The following OCSTAMP variants were observed in gnomAD, a reference collection of about 807,000 sequenced individuals.
The protein encoded by OCSTAMP is transmembrane protein C20orf123.
Under a neutral mutation model 25.2 loss-of-function variants are expected in OCSTAMP, and 17 were observed. That is an observed-to-expected ratio of 0.68 (90% CI 0.46 to 1.01). OCSTAMP has a LOEUF of 1.01. OCSTAMP is among the 50% of genes least tolerant of loss of function. The pLI, the probability that OCSTAMP is intolerant of heterozygous loss-of-function variation, is 0.00. For synonymous variants in OCSTAMP, 345 were observed against 318.9 expected (o/e 1.08, Z -0.87); for missense variants, 664 against 694.6 (o/e 0.96, Z 0.50).
chr20:46,541,972 G>A, intron 2 of OCSTAMP, 45 bp from the exon 3 acceptor site: 5 of 1,404,592 alleles, frequency 3.6e-6, no homozygotes, highest in Non-Finnish European at 4.6e-6. Context: ...GGCCTCTCTG[G>A]CCACTCCCCA....
intron 2 of OCSTAMP, among the ~76,000 whole-genome samples, chr20:46,544,749 T>C (rs2061845667): frequency 6.6e-6 from 1 of 152,222 alleles, no homozygotes; most frequent in African/African-American, 2.4e-5. Context: ...AGACAATATA[T>C]TGACAAATGG....
chr20:46,544,201 T>A (rs952272382), intron 2 of OCSTAMP, among the ~76,000 whole-genome samples: 4 of 152,176 alleles, frequency 2.6e-5, no homozygotes, highest in African/African-American at 9.7e-5. Flanking sequence ...CATTCTGGCA[T>A]GGGCAACAGA....
Position 46,545,442 on chromosome 20 carries a change from A to G in OCSTAMP, c.932T>C (p.Val311Ala). The change falls in exon 2 of 3, where the codon GTG becomes GCG. Residue 311 changes from valine (V) to alanine (A), a missense_variant. Physicochemically the swap from Val to Ala is moderately conservative, Grantham distance 64. Transcript: ENST00000279028. ...TGTGGCCACCGCCACAGCCGTGGCC[A>G]CGAGGAGCAGGGCAAGCAGCCCCAG... ...LRLGLLALLL[V>A]ATAVAVATDH... 3.9e-6 allele frequency: 6 copies of G among 1,551,186 alleles called. No individual in the cohort carries two copies. The highest frequency in any genetic ancestry group is 5.2e-6 in the Non-Finnish European group (6 of 1,146,784).
At position 46,541,110 on chromosome 20, in the gene OCSTAMP, T is replaced by A. The variant is rs1307794148; in HGVS notation, c.*164A>T. ...TGAGTTTAGAGGATTTTGAGGCATATAAATAAGTTCCAGGAGCATTTCGAG... is the reference window on the plus strand; with the variant it reads ...TGAGTTTAGAGGATTTTGAGGCATAAAAATAAGTTCCAGGAGCATTTCGAG... On this transcript the variant is annotated 3_prime_UTR_variant, in exon 3 of 3. Coordinates refer to ENST00000279028, the MANE Select transcript of OCSTAMP (RefSeq NM_080721.3). 5 of 595,622 alleles carry A rather than the reference T, an allele frequency of 8.4e-6. No homozygotes were observed. In the East Asian group the frequency reaches 1.4e-4, roughly 16 times the overall value. The allele number at this position is 595,622 out of a possible 1,614,324, so 36.9% of individuals were successfully genotyped here. A position where few individuals can be genotyped will look rare whatever the true frequency, so the allele number is the denominator to read the frequency against.
chr20:46,541,409 AC>A lies in OCSTAMP; in HGVS notation c.1565del (p.Gly522ValfsTer24). 8.0e-7 allele frequency: 1 copy of A among 1,248,230 alleles called. No individual in the cohort carries two copies. The highest frequency in any genetic ancestry group is 1.3e-5 in the South Asian group (1 of 78,034). The allele number at this position is 1,248,230 out of a possible 1,614,324, so 77.3% of individuals were successfully genotyped here. On this transcript the variant is annotated frameshift_variant, in exon 3 of 3. Coordinates refer to ENST00000279028, the MANE Select transcript of OCSTAMP (RefSeq NM_080721.3). LOFTEE classifies it low-confidence loss of function (END_TRUNC). ...GAGGCTCAGAGAGGTGAAGTGACTTACCCAAGGTCACACAGGGAGGCGGCAC... is the reference window on the plus strand; with the variant it reads ...GAGGCTCAGAGAGGTGAAGTGACTTACCAAGGTCACACAGGGAGGCGGCAC... ...GPVPPPCVTL[G>X]KSLHLSEPRF...
chr20:46,541,005 A>C lies in OCSTAMP; in HGVS notation c.*269T>G. ...CTGGCAATGGAAAGGCCCTGAAGGA[A>C]TTTGAGGCAGAGGAATAACGTAATC... On this transcript the variant is annotated 3_prime_UTR_variant, in exon 3 of 3. Transcript: ENST00000279028. 5.4e-6 allele frequency: 2 copies of C among 371,064 alleles called. No homozygotes were observed. The highest frequency in any genetic ancestry group is 9.8e-6 in the Non-Finnish European group (2 of 204,798). 23.0% of individuals were successfully genotyped at this position (371,064 alleles called of 1,614,324 possible).
intron 1 of OCSTAMP, among the ~76,000 whole-genome samples, chr20:46,547,997 G>A (rs553539159): frequency 3.4e-4 from 52 of 152,284 alleles, no homozygotes; most frequent in East Asian, 3.9e-4. Context: ...AGCAGGGGTC[G>A]TTCATCCTTA....
intron 1 of OCSTAMP, among the ~76,000 whole-genome samples, chr20:46,549,806 C>CTGTG (rs767000638): frequency 1.4e-5 from 2 of 142,366 alleles, no homozygotes; most frequent in Admixed American, 7.0e-5. Flanking sequence ...TTGTGGCCCA[C>CTGTG]TCTGTGTGTG....
chr20:46,541,666 G>C lies in OCSTAMP; in HGVS notation c.1309C>G (p.Gln437Glu). Residue 437 changes from glutamine (Q) to glutamate (E), a missense_variant, in exon 3 of 3, where the codon CAG becomes GAG. By Grantham distance (29) the Gln-to-Glu change is conservative (BLOSUM62 2). Transcript: ENST00000279028. ...AGGTGGCGGACCCTCCTCGCCTCCT[G>C]GGCTGTGAAGAAGGAAGCGGCGATG... Reference protein sequence around the residue: ...HAIAASFFTAQEARRVRHLHA... With the variant: ...HAIAASFFTAEEARRVRHLHA... 1 of 1,550,770 alleles carries C rather than the reference G, an allele frequency of 6.4e-7. No homozygotes were observed. Among genetic ancestry groups the C allele is most frequent in the Non-Finnish European group, 8.7e-7 (1 of 1,146,968 alleles).
chr20:46,545,774 C>A lies in OCSTAMP; in HGVS notation c.600G>T (p.Met200Ile). Reference sequence around the variant, plus strand: ...CCAGGACCTGCTGAGTGACCCTGAGCATGTGAAGGTAGAAGGCAGAGCCAT... The same window carrying A: ...CCAGGACCTGCTGAGTGACCCTGAGAATGTGAAGGTAGAAGGCAGAGCCAT... Reference protein sequence around the residue: ...QDNGSAFYLHMLRVTQQVLED... With the variant: ...QDNGSAFYLHILRVTQQVLED... The change falls in exon 2 of 3, where the codon ATG (methionine) becomes ATT (isoleucine). Residue 200 changes from methionine to isoleucine, a missense_variant. Coordinates refer to ENST00000279028, the MANE Select transcript of OCSTAMP (RefSeq NM_080721.3). The A allele has an allele frequency of 6.4e-7, 1 of 1,551,530 alleles. No homozygotes were observed. Among genetic ancestry groups the A allele is most frequent in the South Asian group, 1.2e-5 (1 of 84,064 alleles).
In OCSTAMP at chr20:46,545,341, T is replaced by A; in HGVS notation, c.1033A>T (p.Thr345Ser). The A allele has an allele frequency of 6.8e-7, 1 of 1,476,856 alleles. No individual in the cohort carries two copies. Among genetic ancestry groups the A allele is most frequent in the Non-Finnish European group, 9.0e-7 (1 of 1,113,884 alleles). The allele number at this position is 1,476,856 out of a possible 1,614,324, so 91.5% of individuals were successfully genotyped here. A position where few individuals can be genotyped will look rare whatever the true frequency, so the allele number is the denominator to read the frequency against. Reference protein sequence around the residue: ...QKLPTVPITLTVKYDVAYTVL... With the variant: ...QKLPTVPITLSVKYDVAYTVL... The stretch of plus-strand genomic sequence containing the variant: ...ATCACACTTACATCATACTTGACCG[T>A]GAGCGTGATGGGCACAGTTGGCAAC... The change falls in exon 2 of 3, where the codon ACG becomes TCG. Residue 345 changes from threonine to serine, a missense_variant. Thr to Ser is a moderately conservative substitution (Grantham distance 58). Transcript: ENST00000279028.
At chr20:46,546,490 G>A (rs1011319770) in intron 1 of OCSTAMP, among the ~76,000 whole-genome samples, 161 bp from the exon 2 acceptor site, 12 of 152,168 alleles carry the variant, frequency 7.9e-5, no homozygotes, top group African/African-American at 2.2e-4. Flanking sequence ...GTATACCCAC[G>A]TGACACAAGC....
intron 2 of OCSTAMP, among the ~76,000 whole-genome samples, chr20:46,545,003 G>C (rs937936068): frequency 6.6e-6 from 1 of 152,210 alleles, no homozygotes; most frequent in Non-Finnish European, 1.5e-5. Flanking sequence ...TTAGGATTAG[G>C]AGGATCGATT....
At chr20:46,546,536 C>A (rs1449012945) in intron 1 of OCSTAMP, among the ~76,000 whole-genome samples, 1 of 152,216 alleles carries the variant, frequency 6.6e-6, no homozygotes, top group African/African-American at 2.4e-5. Context: ...ATTACTCTCG[C>A]TGGAACTGTC....
intron 1 of OCSTAMP, among the ~76,000 whole-genome samples, chr20:46,548,114 T>C (rs1004689146): frequency 3.9e-5 from 6 of 152,112 alleles, no homozygotes; most frequent in African/African-American, 1.4e-4. Context: ...AGCAGAGTAA[T>C]GTTAAGGGCA....
Position 46,541,822 on chromosome 20 carries a change from T to A in OCSTAMP, c.1153A>T (p.Thr385Ser). ...HSSYQWELRLTSARCPLLPAR... is the reference protein window; with the variant it reads ...HSSYQWELRLSSARCPLLPAR... ...GGTAGCAGTGGGCAGCGGGCGGAGG[T>A]GAGGCGGAGCTCCCATTGGTAGGAG... Residue 385 changes from threonine (T) to serine (S), a missense_variant, in exon 3 of 3, where the codon ACC (threonine) becomes TCC (serine). Coordinates refer to ENST00000279028, the MANE Select transcript of OCSTAMP (RefSeq NM_080721.3). The A allele has an allele frequency of 2.0e-6, 3 of 1,477,318 alleles. No individual in the cohort carries two copies. Among genetic ancestry groups the A allele is most frequent in the Non-Finnish European group, 2.7e-6 (3 of 1,118,998 alleles). 91.5% of individuals were successfully genotyped at this position (1,477,318 alleles called of 1,614,324 possible). A position where few individuals can be genotyped will look rare whatever the true frequency, so the allele number is the denominator to read the frequency against.
At chr20:46,544,168 G>A (rs1451620508) in intron 2 of OCSTAMP, among the ~76,000 whole-genome samples, 1 of 152,212 alleles carries the variant, frequency 6.6e-6, no homozygotes, top group African/African-American at 2.4e-5. Context: ...ACAGTGAGCT[G>A]TGATTGCACC....
chr20:46,541,866 G>T lies in OCSTAMP; in HGVS notation c.1109C>A (p.Pro370His). 6.8e-7 allele frequency: 1 copy of T among 1,467,106 alleles called. No individual in the cohort carries two copies. Among genetic ancestry groups the T allele is most frequent in the Non-Finnish European group, 9.0e-7 (1 of 1,113,622 alleles). 90.9% of individuals were successfully genotyped at this position (1,467,106 alleles called of 1,614,324 possible). The part of the protein sequence containing the change: ...FLFNQLAPES[P>H]FLSVHSSYQW... Reference sequence around the variant, plus strand: ...GTAGGAGCTGTGGACGGAGAGGAAGGGGCTCTCCGGAGCCAGCTGGTTGAA... The same window carrying T: ...GTAGGAGCTGTGGACGGAGAGGAAGTGGCTCTCCGGAGCCAGCTGGTTGAA... The change falls in exon 3 of 3, where the codon CCC becomes CAC. Residue 370 changes from proline to histidine, a missense_variant. By Grantham distance (77) the Pro-to-His change is moderately conservative. Transcript: ENST00000279028.
Position 46,541,206 on chromosome 20 carries a change from A to G in OCSTAMP, c.*68T>C, listed in dbSNP as rs1240176893. The G allele has an allele frequency of 1.0e-5, 7 of 673,190 alleles. No individual in the cohort carries two copies. The highest frequency in any genetic ancestry group is 1.4e-5 in the Non-Finnish European group (5 of 359,866). 41.7% of individuals were successfully genotyped at this position (673,190 alleles called of 1,614,324 possible). A position where few individuals can be genotyped will look rare whatever the true frequency, so the allele number is the denominator to read the frequency against. ...GCAGATGAGATGAGCCTGATCGCCAACCAGCCTGGAGGAACCATGAGCTCT... is the reference window on the plus strand; with the variant it reads ...GCAGATGAGATGAGCCTGATCGCCAGCCAGCCTGGAGGAACCATGAGCTCT... On this transcript the variant is annotated 3_prime_UTR_variant, in exon 3 of 3. Coordinates refer to ENST00000279028, the MANE Select transcript of OCSTAMP (RefSeq NM_080721.3).
Sources: allele counts gnomAD v4.1 joint callset (sites outside exome capture counted in the v4.1 genomes callset), GRCh38; gene constraint gnomAD v4.1.1; transcripts MANE v1.5; gene names NCBI Gene and HGNC (gene_info 2026-07-23, HGNC 2026-07-21).